PTPRT: variants seen among roughly 807,000 people sequenced by gnomAD.
PTPRT encodes receptor-type tyrosine-protein phosphatase T.
A neutral mutation model predicts 176.8 loss-of-function variants in PTPRT; 56 were observed. The ratio of observed to expected loss-of-function variants is 0.32; its 90% CI spans 0.26 to 0.40. The LOEUF (loss-of-function observed/expected upper bound fraction) is 0.40, where lower values mean the gene tolerates loss of function less well. Among genes scored for constraint, PTPRT ranks in the 10% least tolerant of loss-of-function variants. The pLI is 1.00. For synonymous variants in PTPRT, 783 were observed against 739.0 expected (o/e 1.06, Z -0.96); for missense variants, 1,540 against 1,908.2 (o/e 0.81, Z 3.60).
intron 10 of PTPRT, among the ~76,000 whole-genome samples, chr20:42,351,071 T>C (rs2058276278): frequency 6.6e-6 from 1 of 151,788 alleles, no homozygotes; most frequent in Admixed American, 6.6e-5. Context: ...CAAACACATT[T>C]AAAATGCAAA....
At chr20:42,520,664 T>C (rs888650424) in intron 7 of PTPRT, among the ~76,000 whole-genome samples, 2 of 152,136 alleles carry the variant, frequency 1.3e-5, no homozygotes, top group African/African-American at 2.4e-5. Flanking sequence ...AGCTCTGAGA[T>C]GAACTATTTA....
At chr20:42,143,442 A>C (rs1988718632) in intron 17 of PTPRT, among the ~76,000 whole-genome samples, 1 of 151,938 alleles carries the variant, frequency 6.6e-6, no homozygotes, top group South Asian at 2.1e-4. Context: ...CTGTAGTCCT[A>C]GCTACTTGGG....
intron 1 of PTPRT, among the ~76,000 whole-genome samples, chr20:43,160,120 C>A (rs1163984096): frequency 6.6e-6 from 1 of 152,156 alleles, no homozygotes; most frequent in East Asian, 1.9e-4. Flanking sequence ...GCCCAGGAGA[C>A]AAGTGCTTAT....
At chr20:42,135,421 TG>T (rs1980050029) in intron 18 of PTPRT, among the ~76,000 whole-genome samples, 1 of 152,256 alleles carries the variant, frequency 6.6e-6, no homozygotes. Flanking sequence ...TGGAAATTCT[TG>T]GGCCCCAGCC....
chr20:42,699,555 T>A (rs1427400460), intron 6 of PTPRT, among the ~76,000 whole-genome samples: 1 of 152,208 alleles, frequency 6.6e-6, no homozygotes, highest in African/African-American at 2.4e-5. Flanking sequence ...GTGTCATTTT[T>A]AAAAAGCAAT....
At chr20:42,836,569 C>A (rs866145181) in intron 2 of PTPRT, among the ~76,000 whole-genome samples, 1 of 152,130 alleles carries the variant, frequency 6.6e-6, no homozygotes, top group Non-Finnish European at 1.5e-5. Flanking sequence ...AAGACCTGGA[C>A]GCAGGCCAAC....
At chr20:43,163,648 C>A (rs1355201752) in intron 1 of PTPRT, among the ~76,000 whole-genome samples, 7 of 138,280 alleles carry the variant, frequency 5.1e-5, no homozygotes, top group Admixed American at 7.7e-5. Flanking sequence ...AAAAACAAAA[C>A]AAAACAAAAA....
Position 42,177,063 on chromosome 20 carries a change from A to G in PTPRT, c.2492-15521T>C, listed in dbSNP as rs138586039. Among the ~76,000 whole-genome samples the G allele has an allele frequency of 3.4e-3, 524 of 152,384 alleles. 1 individual carries two copies. Among genetic ancestry groups the G allele is most frequent in the Admixed American group, 6.3e-3 (96 of 15,298 alleles). ...TACCACTAAATTATCTTGCACAATTACCTTCACCTTTGTGGACCTTAATTT... is the reference window on the plus strand; with the variant it reads ...TACCACTAAATTATCTTGCACAATTGCCTTCACCTTTGTGGACCTTAATTT... On this transcript the variant is annotated intron_variant, in intron 16 of 30. Coordinates refer to ENST00000373187, the MANE Select transcript of PTPRT (RefSeq NM_007050.6).
At position 42,350,740 on chromosome 20, in the gene PTPRT, A is replaced by C; in HGVS notation, c.1763-10T>G. 2.5e-6 allele frequency: 4 copies of C among 1,594,134 alleles called. No individual in the cohort carries two copies. The highest frequency in any genetic ancestry group is 3.4e-6 in the Non-Finnish European group (4 of 1,162,036). On this transcript the variant is annotated splice_polypyrimidine_tract_variant and intron_variant, in intron 10 of 30. Transcript: ENST00000373187. ...TCAGGCATGGATGGAGCTGGACAGG[A>C]AACAGAGAGTGCAGGTGAGTTCAGC...
At chr20:42,320,887 T>C (rs1272120948) in intron 11 of PTPRT, among the ~76,000 whole-genome samples, 1 of 152,152 alleles carries the variant, frequency 6.6e-6, no homozygotes, top group Admixed American at 6.5e-5. Context: ...ACAAGGCGGC[T>C]CTGGCATCTT....
At chr20:42,550,518 A>G (rs2072749372) in intron 7 of PTPRT, among the ~76,000 whole-genome samples, 1 of 152,068 alleles carries the variant, frequency 6.6e-6, no homozygotes, top group South Asian at 2.1e-4. Context: ...AAAACACACA[A>G]CCAGTGAATA....
chr20:42,607,185 G>A (rs1421678796), intron 7 of PTPRT, among the ~76,000 whole-genome samples: 1 of 152,066 alleles, frequency 6.6e-6, no homozygotes, highest in Non-Finnish European at 1.5e-5. Flanking sequence ...CCAGGGGGTG[G>A]GAGAAGAGGG....
At chr20:42,309,597 T>C (rs1384362963) in intron 12 of PTPRT, among the ~76,000 whole-genome samples, 2 of 152,230 alleles carry the variant, frequency 1.3e-5, no homozygotes, top group Non-Finnish European at 2.9e-5. Flanking sequence ...TTGGTGCTTT[T>C]CATTATTCAA....
intron 1 of PTPRT, among the ~76,000 whole-genome samples, chr20:43,185,872 C>T (rs558089098): frequency 2.1e-3 from 325 of 151,946 alleles, no homozygotes; most frequent in African/African-American, 7.3e-3. Flanking sequence ...GCAGAGGTTG[C>T]GGTGAGCCAA....
chr20:42,592,143 C>T (rs905193211), intron 7 of PTPRT, among the ~76,000 whole-genome samples: 2 of 140,438 alleles, frequency 1.4e-5, no homozygotes, highest in African/African-American at 5.8e-5. Flanking sequence ...CCACACCCAG[C>T]TAATTTTTTT....
chr20:42,633,693 C>G, intron 7 of PTPRT, among the ~76,000 whole-genome samples: 2 of 140,810 alleles, frequency 1.4e-5, no homozygotes, highest in Non-Finnish European at 1.5e-5. Flanking sequence ...GGCTGAGGCA[C>G]GAGAATTGCT....
At chr20:42,067,135 AG>A in the PTPRT span, among the ~76,000 whole-genome samples, 1 of 152,134 alleles carries the variant, frequency 6.6e-6, no homozygotes, top group Non-Finnish European at 1.5e-5. Context: ...GGGCTGCCAG[AG>A]AGCATCATGG....
At chr20:42,370,882 C>G (rs997618937) in intron 9 of PTPRT, among the ~76,000 whole-genome samples, 2 of 152,180 alleles carry the variant, frequency 1.3e-5, no homozygotes, top group African/African-American at 2.4e-5. Flanking sequence ...CCACATTTGC[C>G]TCCTCCCTAC....
chr20:42,134,757 C>T (rs889540001), intron 18 of PTPRT, among the ~76,000 whole-genome samples: 2 of 152,174 alleles, frequency 1.3e-5, no homozygotes, highest in African/African-American at 4.8e-5. Flanking sequence ...AACCACCTCA[C>T]AAAATTCCTG....
Sources: allele counts gnomAD v4.1 joint callset (sites outside exome capture counted in the v4.1 genomes callset), GRCh38; gene constraint gnomAD v4.1.1; transcripts MANE v1.5; gene names NCBI Gene and HGNC (gene_info 2026-07-23, HGNC 2026-07-21).